Variants in SMAP1 observed in about 807,000 individuals in gnomAD.
SMAP1 encodes stromal membrane-associated protein 1.
A neutral mutation model predicts 58.5 loss-of-function variants in SMAP1; 24 were observed. The ratio of observed to expected loss-of-function variants is 0.41; its 90% CI spans 0.30 to 0.58. The LOEUF (loss-of-function observed/expected upper bound fraction) is 0.58, where lower values mean the gene tolerates loss of function less well. Among genes scored for constraint, SMAP1 ranks in the 20% least tolerant of loss-of-function variants. The pLI, the probability that SMAP1 is intolerant of heterozygous loss-of-function variation, is 0.29. For missense variants in SMAP1, 563 were observed against 566.3 expected, an observed-to-expected ratio of 0.99 and a Z score of 0.06; for synonymous variants, 216 against 196.6, an observed-to-expected ratio of 1.10 and a Z score of -0.82.
chr6:70,764,539 A>G (rs1766881614), intron 3 of SMAP1, among the ~76,000 whole-genome samples: 1 of 152,360 alleles, frequency 6.6e-6, no homozygotes, highest in East Asian at 1.9e-4. Flanking sequence ...AGCTACATCT[A>G]TTCTGCCTGT....
intron 1 of SMAP1, among the ~76,000 whole-genome samples, chr6:70,731,144 A>G (rs371469663): frequency 6.6e-6 from 1 of 152,232 alleles, no homozygotes; most frequent in Non-Finnish European, 1.5e-5. Flanking sequence ...TACATTTTTC[A>G]TAATCAACTA....
intron 4 of SMAP1, among the ~76,000 whole-genome samples, chr6:70,790,446 C>T (rs573440496): frequency 3.9e-5 from 6 of 152,284 alleles, no homozygotes; most frequent in East Asian, 3.9e-4. Context: ...TTAAAGATTT[C>T]TAGCAAGTAA....
chr6:70,775,827 A>G (rs1582161710), intron 4 of SMAP1, among the ~76,000 whole-genome samples: 1 of 152,364 alleles, frequency 6.6e-6, no homozygotes, highest in African/African-American at 2.4e-5. Flanking sequence ...CTATTCCAAT[A>G]TAAGCAAAAT....
At chr6:70,812,144 T>C (rs1769419144) in intron 6 of SMAP1, among the ~76,000 whole-genome samples, 1 of 152,180 alleles carries the variant, frequency 6.6e-6, no homozygotes, top group Admixed American at 6.6e-5. Flanking sequence ...AGCAAAACGT[T>C]AGGTAAGGGG....
chr6:70,672,273 C>T, intron 1 of SMAP1, among the ~76,000 whole-genome samples: 1 of 152,170 alleles, frequency 6.6e-6, no homozygotes, highest in East Asian at 1.9e-4. Flanking sequence ...CCCCTTGCAC[C>T]TTGACTTTTG....
chr6:70,675,710 C>T (rs1226404645), intron 1 of SMAP1, among the ~76,000 whole-genome samples: 1 of 150,348 alleles, frequency 6.7e-6, no homozygotes, highest in Non-Finnish European at 1.5e-5. Context: ...TTTCTTAGGA[C>T]CTGGGGATTA....
chr6:70,740,264 A>T (rs1395666368), intron 2 of SMAP1, among the ~76,000 whole-genome samples: 1 of 152,168 alleles, frequency 6.6e-6, no homozygotes, highest in East Asian at 1.9e-4. Context: ...TGTAATGTTT[A>T]AAAACAAGGC....
intron 2 of SMAP1, among the ~76,000 whole-genome samples, chr6:70,746,028 C>T (rs143359504): frequency 0.023 from 3,569 of 152,116 alleles, 52 homozygotes; most frequent in Non-Finnish European, 0.037. Flanking sequence ...ATTTTGTATC[C>T]TGAGACTTTG....
At chr6:70,786,838 A>G (rs1184485894) in intron 4 of SMAP1, among the ~76,000 whole-genome samples, 18 of 152,206 alleles carry the variant, frequency 1.2e-4, no homozygotes, top group South Asian at 4.1e-4. Flanking sequence ...ATGCTCATGG[A>G]CAGGAAGAAT....
intron 1 of SMAP1, among the ~76,000 whole-genome samples, chr6:70,680,009 A>G (rs2128551123): frequency 6.6e-6 from 1 of 152,312 alleles, no homozygotes; most frequent in Non-Finnish European, 1.5e-5. Flanking sequence ...TATCTGTGGA[A>G]CATAATACGT....
At chr6:70,854,547 G>A (rs569847784) in intron 8 of SMAP1, among the ~76,000 whole-genome samples, 206 of 152,096 alleles carry the variant, frequency 1.4e-3, no homozygotes, top group African/African-American at 4.4e-3. Flanking sequence ...GCTTGAACCC[G>A]GGAGGCAGAG....
Position 70,758,719 on chromosome 6 carries a change from G to A in SMAP1, c.338+3654G>A, listed in dbSNP as rs531294108. Among the ~76,000 whole-genome samples, 333 of 152,148 alleles carry A rather than the reference G, an allele frequency of 2.2e-3. 1 individual carries two copies. The highest frequency in any genetic ancestry group is 3.4e-3 in the Middle Eastern group (1 of 294). ...AGTTAGATAGTGGCATTGGGAATGGGCAGGATTAAATTGGAGAGATTGGAA... is the reference window on the plus strand; with the variant it reads ...AGTTAGATAGTGGCATTGGGAATGGACAGGATTAAATTGGAGAGATTGGAA... On this transcript the variant is annotated intron_variant, in intron 3 of 10. Coordinates refer to ENST00000370455, the MANE Select transcript of SMAP1 (RefSeq NM_001044305.3).
intron 6 of SMAP1, among the ~76,000 whole-genome samples, chr6:70,804,771 G>C (rs1257329754): frequency 2.6e-5 from 4 of 152,058 alleles, no homozygotes; most frequent in African/African-American, 7.3e-5. Flanking sequence ...AGTTTGGCTG[G>C]ATATGAAATT....
chr6:70,718,797 G>T (rs1768386313), intron 1 of SMAP1, among the ~76,000 whole-genome samples: 2 of 139,832 alleles, frequency 1.4e-5, no homozygotes, highest in Admixed American at 1.5e-4. Context: ...TCCAGCCTGG[G>T]TGACAGTGTA....
chr6:70,787,693 G>A (rs1470292426), intron 4 of SMAP1, among the ~76,000 whole-genome samples: 1 of 151,660 alleles, frequency 6.6e-6, no homozygotes, highest in Non-Finnish European at 1.5e-5. Flanking sequence ...AAAAACACAT[G>A]AAAAAATGCT....
At chr6:70,679,062 C>T (rs1442396583) in intron 1 of SMAP1, among the ~76,000 whole-genome samples, 4 of 146,964 alleles carry the variant, frequency 2.7e-5, no homozygotes, top group African/African-American at 5.1e-5. Flanking sequence ...CTTACTCTGT[C>T]GCCCAAGCTG....
At chr6:70,727,922 G>A (rs1765255193) in intron 1 of SMAP1, among the ~76,000 whole-genome samples, 1 of 152,146 alleles carries the variant, frequency 6.6e-6, no homozygotes, top group South Asian at 2.1e-4. Flanking sequence ...AATTAGCTGG[G>A]CGTGGTGGTA....
At chr6:70,680,135 A>G (rs1766640896) in intron 1 of SMAP1, among the ~76,000 whole-genome samples, 1 of 151,868 alleles carries the variant, frequency 6.6e-6, no homozygotes. Context: ...AACAACAACA[A>G]CAGAATGTAT....
chr6:70,691,838 C>T (rs1223811338), intron 1 of SMAP1, among the ~76,000 whole-genome samples: 2 of 152,168 alleles, frequency 1.3e-5, no homozygotes, highest in East Asian at 1.9e-4. Context: ...ATATGTACCA[C>T]GTTGTCTTTA....
Sources: allele counts gnomAD v4.1 joint callset (sites outside exome capture counted in the v4.1 genomes callset), GRCh38; gene constraint gnomAD v4.1.1; transcripts MANE v1.5; gene names NCBI Gene and HGNC (gene_info 2026-07-23, HGNC 2026-07-21).